The following C7orf33 variants were observed in gnomAD, a reference collection of about 807,000 sequenced individuals.
The protein encoded by C7orf33 is uncharacterized protein C7orf33.
Under a neutral mutation model 13.4 loss-of-function variants are expected in C7orf33, and 15 were observed. The ratio of observed to expected loss-of-function variants is 1.12; its 90% CI spans 0.75 to 1.72. The LOEUF (loss-of-function observed/expected upper bound fraction) is 1.72, where lower values mean the gene tolerates loss of function less well. Among genes scored for constraint, C7orf33 ranks in the 40% most tolerant of loss-of-function variants. C7orf33 has a pLI of 0.00. For synonymous variants in C7orf33, 73 were observed against 83.2 expected (o/e 0.88, Z 0.67); for missense variants, 187 against 220.3 (o/e 0.85, Z 0.96).
intron 1 of C7orf33, among the ~76,000 whole-genome samples, chr7:148,607,509 T>C (rs1027222675): frequency 2.6e-5 from 4 of 152,264 alleles, no homozygotes; most frequent in Non-Finnish European, 5.9e-5. Context: ...ATTTATTGAT[T>C]AAAAAGAGAC....
intron 1 of C7orf33, among the ~76,000 whole-genome samples, chr7:148,612,546 A>G (rs997323343): frequency 2.0e-5 from 3 of 149,958 alleles, no homozygotes; most frequent in Non-Finnish European, 4.4e-5. Context: ...TTACAACTCA[A>G]TAAATAACCC....
Position 148,615,541 on chromosome 7 carries a change from A to C in C7orf33, c.*140A>C, listed in dbSNP as rs1796593662. On this transcript the variant is annotated 3_prime_UTR_variant, in exon 3 of 3. Coordinates refer to ENST00000307003, the MANE Select transcript of C7orf33 (RefSeq NM_145304.4). ...TGGTAATCTGAAGTCTGAACTTTGAACACCAGCAGACAGGCTGAGAATTCT... is the reference window on the plus strand; with the variant it reads ...TGGTAATCTGAAGTCTGAACTTTGACCACCAGCAGACAGGCTGAGAATTCT... 1 of 569,206 alleles carries C rather than the reference A, an allele frequency of 1.8e-6. No individual in the cohort carries two copies. Among genetic ancestry groups the C allele is most frequent in the Non-Finnish European group, 3.2e-6 (1 of 313,684 alleles). The allele number at this position is 569,206 out of a possible 1,614,324, so 35.3% of individuals were successfully genotyped here.
intron 1 of C7orf33, among the ~76,000 whole-genome samples, chr7:148,606,878 C>T (rs567629355): frequency 5.4e-4 from 82 of 150,602 alleles, no homozygotes; most frequent in Admixed American, 6.0e-4. Context: ...TGAGCCACCG[C>T]GTCTGGCCAC....
At chr7:148,594,252 T>C (rs528400326) in intron 1 of C7orf33, among the ~76,000 whole-genome samples, 2 of 149,974 alleles carry the variant, frequency 1.3e-5, no homozygotes, top group African/African-American at 4.9e-5. Context: ...CTTGGCTCAC[T>C]GCAAGCTCCG....
intron 1 of C7orf33, among the ~76,000 whole-genome samples, chr7:148,592,193 G>A (rs1796278320): frequency 1.3e-5 from 2 of 152,204 alleles, no homozygotes; most frequent in South Asian, 4.1e-4. Context: ...GGGCAGAGAG[G>A]ATTTCATGAC....
intron 1 of C7orf33, among the ~76,000 whole-genome samples, chr7:148,608,147 G>C (rs1057088483): frequency 2.6e-5 from 4 of 152,320 alleles, no homozygotes; most frequent in South Asian, 2.1e-4. Flanking sequence ...ATGAGCCCCA[G>C]GCTGGGTGCT....
intron 1 of C7orf33, among the ~76,000 whole-genome samples, chr7:148,598,739 TATATATATATATATATATATATATAG>T (rs1796373939): frequency 3.3e-5 from 2 of 61,468 alleles, no homozygotes; most frequent in East Asian, 4.4e-4. Flanking sequence ...TATATATATA[TATATATATATATATATATATATATAG>T]AGAGAGAGAG....
chr7:148,607,646 A>G (rs1475986513), intron 1 of C7orf33, among the ~76,000 whole-genome samples: 1 of 152,218 alleles, frequency 6.6e-6, no homozygotes, highest in Non-Finnish European at 1.5e-5. Context: ...CACAGCCTTT[A>G]GAAAATATGA....
At chr7:148,610,874 T>G (rs1284715819) in intron 1 of C7orf33, among the ~76,000 whole-genome samples, 1 of 152,236 alleles carries the variant, frequency 6.6e-6, no homozygotes, top group Non-Finnish European at 1.5e-5. Context: ...GTGACTTCAC[T>G]GGATGTTCTC....
intron 1 of C7orf33, among the ~76,000 whole-genome samples, chr7:148,606,194 G>A (rs563435615): frequency 5.9e-5 from 9 of 152,290 alleles, no homozygotes; most frequent in Admixed American, 3.3e-4. Flanking sequence ...TCGGAGGCAA[G>A]TTTTTAGACA....
chr7:148,591,015 T>G lies in C7orf33; in HGVS notation c.90T>G (p.Ser30Arg). ...PQCECEALLPSGARRRIDLRL... is the reference protein window; with the variant it reads ...PQCECEALLPRGARRRIDLRL... ...GTGAATGTGAAGCCCTCCTGCCCAG[T>G]GGGGCAAGGCGCCGGATTGACCTTC... Residue 30 changes from serine (S) to arginine (R), a missense_variant, in exon 1 of 3, where the codon AGT becomes AGG. Ser to Arg is a moderately radical substitution (Grantham distance 110). Transcript: ENST00000307003. 1 of 1,614,054 alleles carries G rather than the reference T, an allele frequency of 6.2e-7. No homozygotes were observed. Among genetic ancestry groups the G allele is most frequent in the South Asian group, 1.1e-5 (1 of 91,070 alleles).
Position 148,615,330 on chromosome 7 carries a change from CG to C in C7orf33, c.464del (p.Arg155LeufsTer5). ...AGTCTTCGTAATCCACATGTAGGTA[CG>C]TGGGCATGAAGTAAGAAAGCTCCAG... Reference protein sequence around the residue: ...RTVTSSYLNVRGHEVRKLQNS... With the variant: ...RTVTSSYLNVXGHEVRKLQNS... On this transcript the variant is annotated frameshift_variant, in exon 3 of 3. Transcript: ENST00000307003. LOFTEE classifies it high-confidence loss of function. 3.7e-6 allele frequency: 6 copies of C among 1,606,440 alleles called. 1 individual carries two copies. Among genetic ancestry groups the C allele is most frequent in the Non-Finnish European group, 5.1e-6 (6 of 1,173,140 alleles).
intron 1 of C7orf33, among the ~76,000 whole-genome samples, chr7:148,601,781 T>A (rs1434987585): frequency 6.6e-6 from 1 of 152,170 alleles, no homozygotes; most frequent in Non-Finnish European, 1.5e-5. Context: ...ACGGTCTTGC[T>A]CTGTTGCTCA....
intron 1 of C7orf33, among the ~76,000 whole-genome samples, chr7:148,601,092 G>A (rs879512243): frequency 6.6e-6 from 1 of 151,652 alleles, no homozygotes; most frequent in African/African-American, 2.4e-5. Context: ...GTGAGCCACC[G>A]CGCCCGGCCT....
rs111320068 is a variant in C7orf33, at chr7:148,591,043, C to T, written c.118C>T (p.Leu40=). 0.037 allele frequency: 59,947 copies of T among 1,614,060 alleles called. 1,376 individuals are homozygous for T. The highest frequency in any genetic ancestry group is 0.1 in the Admixed American group (6,200 of 60,002). The change falls in exon 1 of 3, where the codon CTG becomes TTG. Residue 40 remains leucine (L), a synonymous_variant. Transcript: ENST00000307003. ...SGARRRIDLR[L]SGRAVAVWVH... ...GGCAAGGCGCCGGATTGACCTTCGC[C>T]TGAGTGGGAGGGCAGTCGCTGTTTG...
chr7:148,607,258 G>A (rs1301242926), intron 1 of C7orf33, among the ~76,000 whole-genome samples: 1 of 152,166 alleles, frequency 6.6e-6, no homozygotes, highest in Non-Finnish European at 1.5e-5. Flanking sequence ...CCTACTCCTG[G>A]CAGATAATGG....
chr7:148,595,253 C>T (rs1796315184), intron 1 of C7orf33, among the ~76,000 whole-genome samples: 1 of 139,624 alleles, frequency 7.2e-6, no homozygotes, highest in Non-Finnish European at 1.5e-5. Context: ...AGATATATAT[C>T]ATGTATAATA....
chr7:148,612,767 T>C (rs943389044), intron 1 of C7orf33, among the ~76,000 whole-genome samples: 1 of 151,854 alleles, frequency 6.6e-6, no homozygotes, highest in Non-Finnish European at 1.5e-5. Flanking sequence ...GTGGAGAAAT[T>C]GACACCCTCA....
chr7:148,596,494 T>A (rs1055975810), intron 1 of C7orf33, among the ~76,000 whole-genome samples: 1 of 152,174 alleles, frequency 6.6e-6, no homozygotes, highest in Non-Finnish European at 1.5e-5. Flanking sequence ...GGAAGCCTCA[T>A]AATCATGGTG....
Sources: gnomAD v4.1 joint callset for allele counts (sites outside exome capture counted in the v4.1 genomes callset) on GRCh38, gnomAD v4.1.1 for gene constraint, MANE v1.5 for transcripts, NCBI Gene and HGNC (gene_info 2026-07-23, HGNC 2026-07-21) for gene names.